The following CTNNA3 variants were observed in gnomAD, a reference collection of about 807,000 sequenced individuals.
The protein encoded by CTNNA3 is catenin alpha-3.
In CTNNA3, 76 loss-of-function variants were observed where a neutral mutation model predicts 95.7. The ratio of observed to expected loss-of-function variants is 0.79; its 90% CI spans 0.66 to 0.96. The LOEUF (loss-of-function observed/expected upper bound fraction) is 0.96. Ranked by LOEUF, CTNNA3 falls within the 40% of genes least tolerant of loss-of-function variation. CTNNA3 has a pLI of 0.00. For synonymous variants in CTNNA3, 431 were observed against 374.4 expected (o/e 1.15, Z -1.74); for missense variants, 1,191 against 1,089.8 (o/e 1.09, Z -1.31).
At chr10:66,068,142 C>T (rs572194505) in intron 15 of CTNNA3, among the ~76,000 whole-genome samples, 67 of 152,144 alleles carry the variant, frequency 4.4e-4, no homozygotes, top group African/African-American at 1.2e-3. Context: ...ATTTAAAATA[C>T]ATCTTATTCT....
intron 15 of CTNNA3, among the ~76,000 whole-genome samples, chr10:65,992,269 A>G (rs1390899349): frequency 6.6e-6 from 1 of 152,108 alleles, no homozygotes; most frequent in Non-Finnish European, 1.5e-5. Flanking sequence ...ATAAAATAAA[A>G]TAGGGAGAAT....
intron 11 of CTNNA3, among the ~76,000 whole-genome samples, chr10:66,492,213 TA>T (rs1208486547): frequency 6.6e-6 from 1 of 152,202 alleles, no homozygotes; most frequent in Non-Finnish European, 1.5e-5. Context: ...TCTCTTAATC[TA>T]GAAACCCAGA....
intron 1 of CTNNA3, among the ~76,000 whole-genome samples, chr10:67,735,590 C>T (rs576219522): frequency 4.6e-5 from 7 of 151,812 alleles, no homozygotes; most frequent in African/African-American, 7.3e-5. Context: ...AAATCAAAAC[C>T]GCAATGAGAT....
chr10:67,066,285 C>T (rs1446555323), intron 7 of CTNNA3, among the ~76,000 whole-genome samples: 7 of 151,182 alleles, frequency 4.6e-5, no homozygotes, highest in South Asian at 2.1e-4. Context: ...CTCCGCCTCC[C>T]GGGTTCAAGA....
intron 9 of CTNNA3, among the ~76,000 whole-genome samples, chr10:66,652,502 G>A (rs1455645970): frequency 6.6e-6 from 1 of 151,890 alleles, no homozygotes; most frequent in Non-Finnish European, 1.5e-5. Context: ...GTAATAAAAA[G>A]TCTCCAATCA....
chr10:66,235,005 G>A (rs2089779934), intron 13 of CTNNA3, among the ~76,000 whole-genome samples: 1 of 152,202 alleles, frequency 6.6e-6, no homozygotes. Flanking sequence ...CAGTCTAACA[G>A]CCTGAGAAGA....
chr10:67,116,334 T>C (rs1241596649), intron 7 of CTNNA3, among the ~76,000 whole-genome samples: 4 of 152,024 alleles, frequency 2.6e-5, no homozygotes, highest in Non-Finnish European at 1.5e-5. Context: ...CCAAAAGCAA[T>C]GAATAGCATT....
chr10:66,264,131 C>T (rs1460040886), intron 13 of CTNNA3, among the ~76,000 whole-genome samples: 2 of 151,828 alleles, frequency 1.3e-5, no homozygotes, highest in Non-Finnish European at 2.9e-5. Flanking sequence ...AATCATATAC[C>T]CAATGGCTGA....
intron 12 of CTNNA3, among the ~76,000 whole-genome samples, chr10:66,355,549 A>AT (rs2092602166): frequency 6.6e-6 from 1 of 151,926 alleles, no homozygotes; most frequent in Non-Finnish European, 1.5e-5. Context: ...TTATTATGTT[A>AT]TTTTTGCTAT....
At chr10:66,339,301 CATTT>C (rs1334411338) in intron 12 of CTNNA3, among the ~76,000 whole-genome samples, 5 of 151,736 alleles carry the variant, frequency 3.3e-5, no homozygotes, top group African/African-American at 1.2e-4. Flanking sequence ...ATTTTTAAAT[CATTT>C]ATTTATTCCA....
chr10:67,248,122 A>C (rs181461396), intron 5 of CTNNA3, among the ~76,000 whole-genome samples: 117 of 152,198 alleles, frequency 7.7e-4, no homozygotes, highest in Admixed American at 3.1e-3. Flanking sequence ...AGGAGTTCAA[A>C]ACCAGCCTGG....
At chr10:66,741,464 G>A (rs1400246454) in intron 9 of CTNNA3, among the ~76,000 whole-genome samples, 1 of 152,180 alleles carries the variant, frequency 6.6e-6, no homozygotes, top group Non-Finnish European at 1.5e-5. Context: ...GCCGAGATGG[G>A]TAATTTCAAT....
At chr10:66,198,396 T>C (rs1302840706) in intron 13 of CTNNA3, among the ~76,000 whole-genome samples, 3 of 152,174 alleles carry the variant, frequency 2.0e-5, no homozygotes, top group Admixed American at 6.5e-5. Context: ...ATAAGAGGAA[T>C]CTACCTGATT....
At chr10:66,039,376 G>A (rs936854313) in intron 15 of CTNNA3, among the ~76,000 whole-genome samples, 1 of 152,092 alleles carries the variant, frequency 6.6e-6, no homozygotes, top group Non-Finnish European at 1.5e-5. Flanking sequence ...TCACAGATGA[G>A]AAAAAACTAT....
At chr10:66,240,191 C>G (rs1425356403) in intron 13 of CTNNA3, among the ~76,000 whole-genome samples, 3 of 151,922 alleles carry the variant, frequency 2.0e-5, no homozygotes, top group African/African-American at 4.8e-5. Context: ...TTCTACCTTT[C>G]TATTTTCTTA....
At chr10:66,499,440 A>G (rs1473935308) in intron 11 of CTNNA3, among the ~76,000 whole-genome samples, 1 of 152,170 alleles carries the variant, frequency 6.6e-6, no homozygotes, top group Non-Finnish European at 1.5e-5. Context: ...ATTATGATCT[A>G]AACATGGCAT....
chr10:67,526,349 ATT>A (rs34051034), intron 4 of CTNNA3, among the ~76,000 whole-genome samples: 436 of 135,530 alleles, frequency 3.2e-3, no homozygotes, highest in Middle Eastern at 0.012. Context: ...ATCTCAAATG[ATT>A]TTTTTTTTTT....
At chr10:66,277,218 T>C (rs2091416918) in intron 13 of CTNNA3, among the ~76,000 whole-genome samples, 1 of 152,124 alleles carries the variant, frequency 6.6e-6, no homozygotes. Flanking sequence ...TAATCATATT[T>C]TTATAAAACC....
intron 9 of CTNNA3, among the ~76,000 whole-genome samples, chr10:66,755,390 CTG>C (rs1450043080): frequency 6.6e-6 from 1 of 152,014 alleles, no homozygotes; most frequent in African/African-American, 2.4e-5. Context: ...TTGCACAACT[CTG>C]TGGAATATTG....
Sources: allele counts gnomAD v4.1 joint callset (sites outside exome capture counted in the v4.1 genomes callset), GRCh38; gene constraint gnomAD v4.1.1; transcripts MANE v1.5; gene names NCBI Gene and HGNC (gene_info 2026-07-23, HGNC 2026-07-21).